Variants in PTPRT observed in about 807,000 individuals in gnomAD.
PTPRT encodes the protein receptor-type tyrosine-protein phosphatase T.
In PTPRT, 56 loss-of-function variants were observed where a neutral mutation model predicts 176.8. That is an observed-to-expected ratio of 0.32 (90% confidence interval 0.26 to 0.40). PTPRT has a LOEUF of 0.40. Among genes scored for constraint, PTPRT ranks in the 10% least tolerant of loss-of-function variants. The pLI is 1.00. For missense variants in PTPRT, 1,540 were observed against 1,908.2 expected (o/e 0.81, Z 3.60); for synonymous variants, 783 against 739.0 (o/e 1.06, Z -0.96).
intron 11 of PTPRT, 82 bp from the exon 12 acceptor site, chr20:42,316,078 CTTCTCCTA>C: frequency 6.8e-7 from 1 of 1,472,732 alleles, no homozygotes; most frequent in East Asian, 2.3e-5. Flanking sequence ...GTCAACCCAA[CTTCTCCTA>C]TGTGGAAGCA....
chr20:43,132,086 G>T (rs2013662664), intron 1 of PTPRT, among the ~76,000 whole-genome samples: 1 of 152,032 alleles, frequency 6.6e-6, no homozygotes, highest in African/African-American at 2.4e-5. Flanking sequence ...TGCTAGAAGT[G>T]TTCCCATTAG....
At chr20:42,528,352 C>G (rs758834700) in intron 7 of PTPRT, among the ~76,000 whole-genome samples, 15 of 151,762 alleles carry the variant, frequency 9.9e-5, no homozygotes, top group Non-Finnish European at 1.9e-4. Context: ...TGTCCCAATA[C>G]TGCTCACAGT....
chr20:42,379,743 G>C (rs1483620915), intron 9 of PTPRT, among the ~76,000 whole-genome samples: 1 of 152,242 alleles, frequency 6.6e-6, no homozygotes, highest in African/African-American at 2.4e-5. Context: ...TCTTGGGCAT[G>C]AATGGAAAAG....
intron 4 of PTPRT, among the ~76,000 whole-genome samples, chr20:42,774,668 GC>G (rs1361014504): frequency 6.6e-6 from 1 of 152,172 alleles, no homozygotes; most frequent in Admixed American, 6.5e-5. Context: ...ACCCGATCCA[GC>G]CCCATACATT....
intron 9 of PTPRT, among the ~76,000 whole-genome samples, chr20:42,368,972 T>C (rs1045165905): frequency 2.6e-5 from 4 of 151,986 alleles, no homozygotes; most frequent in Non-Finnish European, 5.9e-5. Flanking sequence ...GTCTGGTTCT[T>C]TTTTTTCTTC....
chr20:42,180,495 A>G (rs1990472539), intron 16 of PTPRT, among the ~76,000 whole-genome samples: 1 of 152,176 alleles, frequency 6.6e-6, no homozygotes, highest in Admixed American at 6.5e-5. Flanking sequence ...TAATGTACTT[A>G]TCTTTTGCTG....
intron 8 of PTPRT, among the ~76,000 whole-genome samples, chr20:42,461,409 T>C (rs1382070637): frequency 6.6e-6 from 1 of 151,974 alleles, no homozygotes; most frequent in Non-Finnish European, 1.5e-5. Flanking sequence ...TATGTGCCTA[T>C]CCCACATGTC....
intron 1 of PTPRT, among the ~76,000 whole-genome samples, chr20:42,910,037 G>T (rs907622698): frequency 2.6e-5 from 4 of 152,036 alleles, no homozygotes; most frequent in African/African-American, 9.7e-5. Context: ...ATCTTTTACA[G>T]GGACACCATA....
rs1982372750 is a variant in PTPRT at position 42,967,576 on chromosome 20, C to G, written c.89-81644G>C. Among the ~76,000 whole-genome samples, 4 of 152,118 alleles carry G rather than the reference C, an allele frequency of 2.6e-5. No homozygotes were observed. The South Asian group carries it at 8.3e-4, about 31-fold the overall frequency. On this transcript the variant is annotated intron_variant, in intron 1 of 30. Transcript: ENST00000373187. The stretch of plus-strand genomic sequence containing the variant: ...CACCTTGATTTCAGACTGTGGACCC[C>G]AGAACTGTGAGAGAACAAATTTGTG...
intron 17 of PTPRT, among the ~76,000 whole-genome samples, chr20:42,145,954 G>A (rs1203492830): frequency 6.6e-6 from 1 of 152,188 alleles, no homozygotes; most frequent in Admixed American, 6.5e-5. Flanking sequence ...TTTCACAAAT[G>A]TGGGGCTTAT....
At chr20:42,394,945 C>T (rs1459048789) in intron 9 of PTPRT, among the ~76,000 whole-genome samples, 1 of 152,094 alleles carries the variant, frequency 6.6e-6, no homozygotes, top group African/African-American at 2.4e-5. Context: ...GTTCTTGCCC[C>T]TCTTGCTCAT....
chr20:42,705,251 T>G (rs912763378), intron 6 of PTPRT, among the ~76,000 whole-genome samples: 6 of 152,158 alleles, frequency 3.9e-5, no homozygotes, highest in African/African-American at 1.4e-4. Flanking sequence ...TATAAAAGGC[T>G]ACTTGAGCAG....
At chr20:43,180,369 C>CTCTCTCTCTCTCTCTCTCTCTCTCTCTT (rs1208040640) in intron 1 of PTPRT, among the ~76,000 whole-genome samples, 8 of 151,238 alleles carry the variant, frequency 5.3e-5, no homozygotes, top group African/African-American at 1.7e-4. Context: ...CTCTCTCTCT[C>CTCTCTCTCTCTCTCTCTCTCTCTCTCTT]TCTGCCCCCA....
At chr20:42,191,984 T>C (rs1220018345) in intron 16 of PTPRT, among the ~76,000 whole-genome samples, 1 of 151,598 alleles carries the variant, frequency 6.6e-6, no homozygotes, top group Non-Finnish European at 1.5e-5. Context: ...CAATGAGGGG[T>C]GGGGGATTTA....
At chr20:42,932,677 C>T (rs1036427294) in intron 1 of PTPRT, among the ~76,000 whole-genome samples, 1 of 152,232 alleles carries the variant, frequency 6.6e-6, no homozygotes, top group Non-Finnish European at 1.5e-5. Flanking sequence ...CAAACCACGA[C>T]AGCTGGTCAC....
chr20:43,090,681 A>G (rs187834833), intron 1 of PTPRT, among the ~76,000 whole-genome samples: 2 of 152,338 alleles, frequency 1.3e-5, no homozygotes, highest in East Asian at 3.9e-4. Flanking sequence ...AGAAAAGCTG[A>G]AATAAAAAAT....
chr20:43,104,803 T>G (rs1347033735), intron 1 of PTPRT, among the ~76,000 whole-genome samples: 1 of 152,176 alleles, frequency 6.6e-6, no homozygotes, highest in Non-Finnish European at 1.5e-5. Context: ...CTATAAAATG[T>G]GGGCAACATA....
chr20:42,039,224 C>G, the PTPRT span, among the ~76,000 whole-genome samples: 1 of 151,974 alleles, frequency 6.6e-6, no homozygotes, highest in Admixed American at 6.6e-5. Context: ...TTTTAATTGA[C>G]AAGTAAAAAT....
At chr20:42,174,256 G>C (rs1205239085) in intron 16 of PTPRT, among the ~76,000 whole-genome samples, 1 of 152,118 alleles carries the variant, frequency 6.6e-6, no homozygotes, top group Admixed American at 6.6e-5. Context: ...AAATAATAAA[G>C]AAAGGTAAAT....
Sources: allele counts gnomAD v4.1 joint callset (sites outside exome capture counted in the v4.1 genomes callset), GRCh38; gene constraint gnomAD v4.1.1; transcripts MANE v1.5; gene names NCBI Gene and HGNC (gene_info 2026-07-23, HGNC 2026-07-21).